DACH2: variants seen among roughly 807,000 people sequenced by gnomAD.
The protein encoded by DACH2 is dachshund homolog 2.
Under a neutral mutation model 35.8 loss-of-function variants are expected in DACH2, and 17 were observed. The observed-to-expected ratio is 0.48, with a 90% CI of 0.33 to 0.71. The LOEUF (loss-of-function observed/expected upper bound fraction) is 0.71, where lower values mean the gene tolerates loss of function less well. DACH2 is among the 30% of genes least tolerant of loss of function. DACH2 has a pLI of 0.02. For missense variants in DACH2, 469 were observed against 472.7 expected, an observed-to-expected ratio of 0.99 and a Z score of 0.07; for synonymous variants, 195 against 177.3, an observed-to-expected ratio of 1.10 and a Z score of -0.79.
At chrX:86,350,235 G>A (rs1213676992) in intron 1 of DACH2, among the ~76,000 whole-genome samples, 1 of 16,531 alleles carries the variant, frequency 6.0e-5, no homozygotes, top group Non-Finnish European at 1.1e-4. Context: ...TTTTTTTCTT[G>A]TAAATTTGTT....
At chrX:86,234,580 A>G (rs758168567) in intron 1 of DACH2, among the ~76,000 whole-genome samples, 17 of 108,508 alleles carry the variant, frequency 1.6e-4, no homozygotes, top group African/African-American at 6.7e-5. Flanking sequence ...TCTTATAATT[A>G]ATGAGCTAAT....
At chrX:86,383,162 A>T (rs773834301) in intron 2 of DACH2, among the ~76,000 whole-genome samples, 5 of 110,636 alleles carry the variant, frequency 4.5e-5, no homozygotes, top group Non-Finnish European at 9.5e-5. Context: ...AAGCTATCTC[A>T]AAATCTTTAA....
chrX:86,293,094 A>C (rs1467023195), intron 1 of DACH2, among the ~76,000 whole-genome samples: 1 of 93,632 alleles, frequency 1.1e-5, no homozygotes, highest in Non-Finnish European at 2.1e-5. Flanking sequence ...GACTTGCTTT[A>C]TGAATCTGGG....
intron 7 of DACH2, among the ~76,000 whole-genome samples, chrX:86,794,405 G>T (rs2042215723): frequency 9.0e-6 from 1 of 110,615 alleles, no homozygotes; most frequent in Non-Finnish European, 1.9e-5. Flanking sequence ...AATTAATTTA[G>T]TAGGAGTATC....
chrX:86,649,485 C>T (rs1238626656), intron 3 of DACH2, among the ~76,000 whole-genome samples: 3 of 110,236 alleles, frequency 2.7e-5, no homozygotes, highest in African/African-American at 6.6e-5. Flanking sequence ...CTAGACATAC[C>T]CTTTGGGAGC....
chrX:86,763,312 T>G (rs756083014), intron 7 of DACH2, among the ~76,000 whole-genome samples: 42 of 112,314 alleles, frequency 3.7e-4, no homozygotes, highest in African/African-American at 1.4e-3. Context: ...CCACAAACAT[T>G]AATGTGTTTG....
In DACH2 at chrX:86,546,357, CTCTTCTTCTTCTTCT is replaced by C. The variant is rs1195943792; in HGVS notation, c.640+31999_640+32013del. Among the ~76,000 whole-genome samples, 382 of 50,058 alleles carry C rather than the reference CTCTTCTTCTTCTTCT, an allele frequency of 7.6e-3. 5 individuals are homozygous for C. The highest frequency in any genetic ancestry group is 0.022 in the Middle Eastern group (2 of 90). The allele number at this position is 50,058 out of a possible 115,157, so 43.5% of individuals were successfully genotyped here. ...CTTCTTCCTCTTCTTCTTCTTCTTC[CTCTTCTTCTTCTTCT>C]TCTTCTTCTTCTTCTTCTTCTTCTT... On this transcript the variant is annotated intron_variant, in intron 3 of 11. Transcript: ENST00000373125.
intron 2 of DACH2, among the ~76,000 whole-genome samples, chrX:86,425,792 C>T (rs188529990): frequency 9.0e-6 from 1 of 110,776 alleles, no homozygotes; most frequent in African/African-American, 3.3e-5. Flanking sequence ...AAATGATGAA[C>T]TAGGGTTAGG....
At chrX:86,732,373 A>G (rs1031623223) in intron 6 of DACH2, among the ~76,000 whole-genome samples, 1 of 112,405 alleles carries the variant, frequency 8.9e-6, no homozygotes, top group South Asian at 3.6e-4. Context: ...TTTGTCCAAA[A>G]CACAGAAAAG....
chrX:86,636,417 C>A (rs1299142353), intron 3 of DACH2, among the ~76,000 whole-genome samples: 1 of 111,363 alleles, frequency 9.0e-6, no homozygotes, highest in African/African-American at 3.3e-5. Flanking sequence ...CATTGCATTG[C>A]AGCCTGGGCA....
chrX:86,451,226 A>AT (rs2037372099), intron 2 of DACH2, among the ~76,000 whole-genome samples: 1 of 111,740 alleles, frequency 8.9e-6, no homozygotes, highest in African/African-American at 3.3e-5. Context: ...TCTTGAATTA[A>AT]TTTTTGTATA....
At chrX:86,329,205 A>G (rs1356015503) in intron 1 of DACH2, among the ~76,000 whole-genome samples, 5 of 111,240 alleles carry the variant, frequency 4.5e-5, no homozygotes, top group African/African-American at 9.8e-5. Flanking sequence ...TGAGATCATT[A>G]GCACAAACAG....
intron 1 of DACH2, among the ~76,000 whole-genome samples, chrX:86,310,204 C>T (rs1430835708): frequency 8.9e-6 from 1 of 112,252 alleles, no homozygotes; most frequent in Non-Finnish European, 1.9e-5. Flanking sequence ...GAACTGGGTG[C>T]TTTCTGACCC....
intron 2 of DACH2, among the ~76,000 whole-genome samples, chrX:86,457,788 G>T (rs2037501563): frequency 8.9e-6 from 1 of 112,053 alleles, no homozygotes; most frequent in South Asian, 3.7e-4. Flanking sequence ...TTGAGTAGAT[G>T]CGTGGGCAAG....
chrX:86,655,786 G>A (rs182166212), intron 4 of DACH2, among the ~76,000 whole-genome samples: 1 of 111,221 alleles, frequency 9.0e-6, no homozygotes, highest in East Asian at 2.8e-4. Context: ...TGTAATAAAA[G>A]CAACAAGAAG....
At chrX:86,339,087 C>G (rs775239723) in intron 1 of DACH2, among the ~76,000 whole-genome samples, 2 of 111,613 alleles carry the variant, frequency 1.8e-5, no homozygotes, top group South Asian at 7.5e-4. Context: ...GCCTACCAAC[C>G]AAAAACAGTC....
chrX:86,473,172 ATTCT>A (rs1216392311), intron 2 of DACH2, among the ~76,000 whole-genome samples: 2 of 111,402 alleles, frequency 1.8e-5, no homozygotes, highest in Non-Finnish European at 3.8e-5. Context: ...AGCTAATTAT[ATTCT>A]TTAAGTTGTT....
At chrX:86,410,626 G>A (rs1019220856) in intron 2 of DACH2, among the ~76,000 whole-genome samples, 2 of 110,733 alleles carry the variant, frequency 1.8e-5, no homozygotes, top group South Asian at 3.8e-4. Context: ...ATGCTCTGGT[G>A]ACATCTTTTC....
chrX:86,165,115 A>C (rs939417247), intron 1 of DACH2, among the ~76,000 whole-genome samples: 1 of 110,033 alleles, frequency 9.1e-6, no homozygotes, highest in Non-Finnish European at 1.9e-5. Flanking sequence ...TTTTTTGAGC[A>C]GTGTTTTCTA....
Sources: allele counts gnomAD v4.1 joint callset (sites outside exome capture counted in the v4.1 genomes callset), GRCh38; gene constraint gnomAD v4.1.1; transcripts MANE v1.5; gene names NCBI Gene and HGNC (gene_info 2026-07-23, HGNC 2026-07-21).